The following NEXN variants were observed in gnomAD, a reference collection of about 807,000 sequenced individuals.
The protein encoded by NEXN is nexilin F-actin binding protein.
Under a neutral mutation model 92.6 loss-of-function variants are expected in NEXN, and 65 were observed. That is an observed-to-expected ratio of 0.70 (90% confidence interval 0.57 to 0.86). The LOEUF (loss-of-function observed/expected upper bound fraction) is 0.86, where lower values mean the gene tolerates loss of function less well. Ranked by LOEUF, NEXN falls within the 40% of genes least tolerant of loss-of-function variation. The probability of loss-of-function intolerance (pLI) is 0.00; values close to 1 mark genes in which losing one functional copy is unlikely to be tolerated. For synonymous variants in NEXN, 254 were observed against 242.5 expected, an observed-to-expected ratio of 1.05 and a Z score of -0.44; for missense variants, 778 against 771.1, an observed-to-expected ratio of 1.01 and a Z score of -0.11.
chr1:77,918,252 A>G lies in NEXN; in HGVS notation c.426A>G (p.Glu142=), dbSNP rs1245359771. The change falls in exon 5 of 13, where the codon GAA becomes GAG. Residue 142 remains glutamate, a synonymous_variant. Coordinates refer to ENST00000334785, the MANE Select transcript of NEXN (RefSeq NM_144573.4). Reference sequence around the variant, plus strand: ...TAGAAAAGAGGAAAATACAGCGTGAATTAGCAAAAAGGGCTGAACAGGTAT... The same window carrying G: ...TAGAAAAGAGGAAAATACAGCGTGAGTTAGCAAAAAGGGCTGAACAGGTAT... ...DMLEKRKIQR[E]LAKRAEQIED... is the part of the protein sequence containing the mutation. The G allele has an allele frequency of 1.2e-6, 2 of 1,614,212 alleles. No homozygotes were observed. The highest frequency in any genetic ancestry group is 1.7e-6 in the Non-Finnish European group (2 of 1,180,024).
At chr1:77,938,608 G>T (rs1029063414) in intron 11 of NEXN, among the ~76,000 whole-genome samples, 2 of 141,074 alleles carry the variant, frequency 1.4e-5, no homozygotes, top group Non-Finnish European at 1.5e-5. Flanking sequence ...AAAAAAAAAA[G>T]TTCAGTCTAA....
intron 10 of NEXN, 43 bp from the exon 11 acceptor site, chr1:77,935,780 C>G (rs965812492): frequency 2.6e-6 from 4 of 1,556,024 alleles, no homozygotes; most frequent in Non-Finnish European, 3.5e-6. Flanking sequence ...TAGTGAGACT[C>G]TCTCAAAAAC....
chr1:77,941,693 AATT>A, intron 11 of NEXN: 1 of 335,466 alleles, frequency 3.0e-6, no homozygotes, highest in Non-Finnish European at 5.6e-6. Flanking sequence ...TACTTTTAAC[AATT>A]ATTTAGAATG....
chr1:77,928,708 A>C (rs1166701), intron 8 of NEXN, among the ~76,000 whole-genome samples: 135,859 of 151,964 alleles, frequency 0.89, 60,871 homozygotes, highest in Non-Finnish European at 0.92. Context: ...AAATGAGAAC[A>C]TTATTTTACT....
rs200067011 is a variant in NEXN, at chr1:77,933,340, C to T, written c.1112C>T (p.Pro371Leu). The T allele has an allele frequency of 1.3e-4, 207 of 1,609,330 alleles. 1 individual carries two copies. The highest frequency in any genetic ancestry group is 1.8e-4 in the South Asian group (16 of 90,490). The change falls in exon 10 of 13, where the codon CCG (proline) becomes CTG (leucine). Residue 371 changes from proline (P) to leucine (L), a missense_variant. By Grantham distance (98) the Pro-to-Leu change is moderately conservative. This residue lies in a region of NEXN where 532 missense variants were observed against 476.7 expected (regional missense o/e 1.12). Transcript: ENST00000334785. ...ACAATCTCTCAAGAATTTCTTACAC[C>T]GGGAAAACTGGAAATTAATTTTGAA... The part of the protein sequence containing the change: ...YKTISQEFLT[P>L]GKLEINFEEL...
At chr1:77,899,565 G>A (rs1254903138) in intron 1 of NEXN, among the ~76,000 whole-genome samples, 8 of 151,910 alleles carry the variant, frequency 5.3e-5, no homozygotes, top group South Asian at 2.1e-4. Context: ...GCTAAATGAC[G>A]AGTTAATGGG....
intron 1 of NEXN, among the ~76,000 whole-genome samples, chr1:77,911,063 C>T (rs551241990): frequency 1.4e-4 from 22 of 152,132 alleles, no homozygotes; most frequent in African/African-American, 4.6e-4. Flanking sequence ...TCTTGAACTC[C>T]TGGCCTCAAG....
At chr1:77,912,139 G>T (rs577279037) in intron 1 of NEXN, among the ~76,000 whole-genome samples, 1 of 151,140 alleles carries the variant, frequency 6.6e-6, no homozygotes, top group South Asian at 2.1e-4. Context: ...TTCAGATAAG[G>T]GATACTCAAC....
At chr1:77,895,689 C>A (rs1477045207) in intron 1 of NEXN, among the ~76,000 whole-genome samples, 2 of 151,978 alleles carry the variant, frequency 1.3e-5, no homozygotes, top group Non-Finnish European at 2.9e-5. Context: ...CATGGTGAAA[C>A]CCCATCTCTG....
intron 1 of NEXN, chr1:77,889,622 G>T (rs897452547): frequency 6.6e-6 from 1 of 152,214 alleles, no homozygotes; most frequent in Non-Finnish European, 1.5e-5. Flanking sequence ...CAGTGACTTA[G>T]AGATGCTCAT....
At chr1:77,920,066 TTTTTTTGTA>T (rs987179752) in intron 5 of NEXN, among the ~76,000 whole-genome samples, 1 of 151,666 alleles carries the variant, frequency 6.6e-6, no homozygotes, top group African/African-American at 2.4e-5. Context: ...TCCCAGCTAA[TTTTTTTGTA>T]TTTTTAGTAG....
At chr1:77,941,845 G>GT (rs1456742865) in intron 11 of NEXN, 178 bp from the exon 12 acceptor site, 11 of 610,254 alleles carry the variant, frequency 1.8e-5, no homozygotes, top group African/African-American at 1.3e-4. Flanking sequence ...CTTCATAAAT[G>GT]TATCTATCAC....
In NEXN at chr1:77,890,747, CA is replaced by C. The variant is rs1026571039; in HGVS notation, c.-53+1996del. On this transcript the variant is annotated intron_variant, in intron 1 of 12. Transcript: ENST00000334785. ...GTTATCTTTGAAATACCCTAAAAGACAAAAAAAAGGGGGATTATTTAAATAT... is the reference window on the plus strand; with the variant it reads ...GTTATCTTTGAAATACCCTAAAAGACAAAAAAAGGGGGATTATTTAAATAT... Among the ~76,000 whole-genome samples the C allele has an allele frequency of 1.3e-4, 20 of 149,852 alleles. No individual in the cohort carries two copies. The East Asian group carries it at 1.4e-3, about 10-fold the overall frequency.
chr1:77,899,497 G>A (rs946674454), intron 1 of NEXN, among the ~76,000 whole-genome samples: 8 of 152,116 alleles, frequency 5.3e-5, no homozygotes, highest in African/African-American at 7.2e-5. Context: ...ATCACACTCC[G>A]GGGACGGTTG....
intron 1 of NEXN, among the ~76,000 whole-genome samples, chr1:77,903,290 T>A (rs184095229): frequency 1.3e-5 from 2 of 152,092 alleles, no homozygotes; most frequent in East Asian, 3.9e-4. Flanking sequence ...TTTTAAAACC[T>A]ATTTTTTTTA....
intron 6 of NEXN, 141 bp downstream of exon 6, chr1:77,925,370 AG>A: frequency 2.9e-6 from 2 of 697,336 alleles, no homozygotes; most frequent in Non-Finnish European, 5.0e-6. Context: ...TGTTTTGCAA[AG>A]CAAGAGCATA....
intron 11 of NEXN, among the ~76,000 whole-genome samples, chr1:77,937,672 G>A (rs1435350381): frequency 6.6e-6 from 1 of 152,128 alleles, no homozygotes; most frequent in Non-Finnish European, 1.5e-5. Flanking sequence ...CTTGGCGACA[G>A]AGCGAGTCTC....
chr1:77,922,166 G>A (rs1649476108), intron 5 of NEXN, among the ~76,000 whole-genome samples: 1 of 139,584 alleles, frequency 7.2e-6, no homozygotes, highest in Admixed American at 7.4e-5. Flanking sequence ...TTGAGATGGA[G>A]TCTCGCTCTG....
intron 1 of NEXN, among the ~76,000 whole-genome samples, chr1:77,908,403 T>TC (rs889646571): frequency 1.4e-5 from 2 of 139,654 alleles, no homozygotes; most frequent in South Asian, 2.4e-4. Flanking sequence ...TATTTTTTTT[T>TC]TTTTTTTTTT....
Sources: gnomAD v4.1 joint callset for allele counts (sites outside exome capture counted in the v4.1 genomes callset) on GRCh38, gnomAD v4.1.1 for gene constraint, gnomAD v4.1.1 regional missense constraint, MANE v1.5 for transcripts, NCBI Gene and HGNC (gene_info 2026-07-23, HGNC 2026-07-21) for gene names.